RRAGC: variants seen among roughly 807,000 people sequenced by gnomAD.
RRAGC encodes the protein ras-related GTP-binding protein C.
In RRAGC, 8 loss-of-function variants were observed where a neutral mutation model predicts 37.1. The observed-to-expected ratio is 0.22, with a 90% CI of 0.13 to 0.39. The LOEUF is 0.39. Ranked by LOEUF, RRAGC falls within the 10% of genes least tolerant of loss-of-function variation. RRAGC has a pLI of 1.00. For synonymous variants in RRAGC, 190 were observed against 181.1 expected (o/e 1.05, Z -0.39); for missense variants, 342 against 497.6 (o/e 0.69, Z 2.98).
At position 38,839,528 on chromosome 1, in the gene RRAGC, C is replaced by A; in HGVS notation, c.*25G>T. On this transcript the variant is annotated 3_prime_UTR_variant, in exon 7 of 7. Transcript: ENST00000373001. ...CCCTGGAGTGAAGAGTAAGCTGGCA[C>A]AGAGCCCCGACGCTGGGATTCAGAC... 3.1e-6 allele frequency: 5 copies of A among 1,612,816 alleles called. No homozygotes were observed. The highest frequency in any genetic ancestry group is 4.2e-6 in the Non-Finnish European group (5 of 1,179,128).
chr1:38,856,676 A>C, intron 2 of RRAGC: 1 of 501,572 alleles, frequency 2.0e-6, no homozygotes, highest in Non-Finnish European at 3.5e-6. Context: ...GATGTAAACC[A>C]TATCTCCTAA....
chr1:38,855,633 G>A, intron 3 of RRAGC, 75 bp downstream of exon 3: 1 of 1,159,330 alleles, frequency 8.6e-7, no homozygotes, highest in South Asian at 1.3e-5. Context: ...GAAAGCTATG[G>A]TGTTTGTAAT....
At chr1:38,857,683 G>C (rs56321539) in intron 1 of RRAGC, among the ~76,000 whole-genome samples, 22,399 of 152,270 alleles carry the variant, frequency 0.15, 1,812 homozygotes, top group Non-Finnish European at 0.18. Flanking sequence ...AATCGGCCCG[G>C]GTGCGGTGGC....
intron 4 of RRAGC, 71 bp from the exon 5 acceptor site, chr1:38,851,828 G>A: frequency 7.4e-7 from 1 of 1,344,306 alleles, no homozygotes; most frequent in South Asian, 1.3e-5. Flanking sequence ...CGAAGATCTA[G>A]AATTACTGAA....
Position 38,854,090 on chromosome 1 carries a change from C to T in RRAGC, c.642-1602G>A, listed in dbSNP as rs1357406145. Among the ~76,000 whole-genome samples the T allele has an allele frequency of 2.0e-3, 243 of 119,380 alleles. 2 individuals carry two copies. The highest frequency in any genetic ancestry group is 7.2e-3 in the African/African-American group (223 of 31,154). 78.3% of individuals were successfully genotyped at this position (119,380 alleles called of 152,430 possible). ...CTTTTTTTTTTTTTTTTTTTTGAGA[C>T]GGAGTCTTGCTCTGTCACCCAGGCT... On this transcript the variant is annotated intron_variant, in intron 3 of 6. Transcript: ENST00000373001.
At chr1:38,853,728 C>G (rs1044556120) in intron 3 of RRAGC, among the ~76,000 whole-genome samples, 2 of 131,260 alleles carry the variant, frequency 1.5e-5, no homozygotes, top group African/African-American at 2.9e-5. Flanking sequence ...GCCTGGGCAA[C>G]AAGAGTGAAA....
Position 38,839,464 on chromosome 1 carries a change from A to C in RRAGC, c.*89T>G. ...AGTGGAACAGGCACCAGATTCCCAC[A>C]AGCAGCAGCTCCCATGTCCTGTAGC... On this transcript the variant is annotated 3_prime_UTR_variant, in exon 7 of 7. Coordinates refer to ENST00000373001, the MANE Select transcript of RRAGC (RefSeq NM_022157.4). 7.0e-7 allele frequency: 1 copy of C among 1,433,806 alleles called. No homozygotes were observed. Among genetic ancestry groups the C allele is most frequent in the African/African-American group, 1.4e-5 (1 of 70,558 alleles). The allele number at this position is 1,433,806 out of a possible 1,614,324, so 88.8% of individuals were successfully genotyped here.
chr1:38,856,702 T>C, intron 2 of RRAGC, 177 bp downstream of exon 2: 1 of 600,408 alleles, frequency 1.7e-6, no homozygotes, highest in South Asian at 2.1e-5. Flanking sequence ...TGATATTCTG[T>C]ACCTGCACAA....
At chr1:38,858,786 A>G (rs1176678284) in intron 1 of RRAGC, among the ~76,000 whole-genome samples, 1 of 152,214 alleles carries the variant, frequency 6.6e-6, no homozygotes, top group Non-Finnish European at 1.5e-5. Flanking sequence ...GGTCTGCAAA[A>G]TATTCTCAAA....
Position 38,859,673 on chromosome 1 carries a change from C to T in RRAGC, c.-27G>A. The T allele has an allele frequency of 6.6e-7, 1 of 1,526,284 alleles. No homozygotes were observed. The highest frequency in any genetic ancestry group is 8.8e-7 in the Non-Finnish European group (1 of 1,136,488). 94.5% of individuals were successfully genotyped at this position (1,526,284 alleles called of 1,614,324 possible). ...GTGCTGGAGCCGCCGCCGCCCGCGC[C>T]CTGACAGGCCAGGCCAGGCCGAGCC... On this transcript the variant is annotated 5_prime_UTR_variant, in exon 1 of 7. Transcript: ENST00000373001.
At chr1:38,842,693 G>A (rs1425290086) in intron 6 of RRAGC, among the ~76,000 whole-genome samples, 3 of 152,146 alleles carry the variant, frequency 2.0e-5, no homozygotes, top group African/African-American at 4.8e-5. Context: ...TTCTCCACAC[G>A]TGCAAAGGCA....
intron 2 of RRAGC, 93 bp downstream of exon 2, chr1:38,856,786 G>A (rs1557588710): frequency 2.4e-6 from 3 of 1,246,188 alleles, no homozygotes; most frequent in Non-Finnish European, 3.5e-6. Flanking sequence ...AAAGAGATAA[G>A]CTGCAACCAC....
chr1:38,859,354 T>C (rs957124233), intron 1 of RRAGC, 56 bp downstream of exon 1: 2 of 1,482,884 alleles, frequency 1.3e-6, no homozygotes, highest in Non-Finnish European at 1.8e-6. Context: ...GCGTCCCCGC[T>C]ACCGGCCACC....
chr1:38,853,794 A>G (rs1242979143), intron 3 of RRAGC, among the ~76,000 whole-genome samples: 3 of 152,114 alleles, frequency 2.0e-5, no homozygotes, highest in Non-Finnish European at 4.4e-5. Flanking sequence ...TAAGAACCTA[A>G]TCTAGCAAGA....
At chr1:38,856,768 C>T (rs1642172121) in intron 2 of RRAGC, 111 bp downstream of exon 2, 3 of 990,792 alleles carry the variant, frequency 3.0e-6, no homozygotes, top group African/African-American at 1.6e-5. Flanking sequence ...GTTAGGGAAT[C>T]TACTGCCAAA....
chr1:38,846,431 G>A (rs1642028380), intron 5 of RRAGC: 1 of 177,654 alleles, frequency 5.6e-6, no homozygotes, highest in African/African-American at 2.4e-5. Flanking sequence ...TGTAAACCCA[G>A]CTGAGGTGTC....
intron 5 of RRAGC, 24 bp from the exon 6 acceptor site, chr1:38,846,111 C>T (rs769553019): frequency 1.3e-6 from 2 of 1,585,292 alleles, no homozygotes; most frequent in Non-Finnish European, 1.7e-6. Flanking sequence ...AAGTACTATT[C>T]ATTACAGGTT....
chr1:38,839,605 G>A lies in RRAGC; in HGVS notation c.1148C>T (p.Ala383Val). The A allele has an allele frequency of 6.2e-7, 1 of 1,614,046 alleles. No homozygotes were observed. Among genetic ancestry groups the A allele is most frequent in the East Asian group, 2.2e-5 (1 of 44,866 alleles). ...SHRSCGHQTS[A>V]SSLKALTHNG... ...GTGTGTCAGCGCTTTCAGACTGGAG[G>A]CACTAGTCTGGTGACCACAGCTCCT... The change falls in exon 7 of 7, where the codon GCC becomes GTC. Residue 383 changes from alanine to valine, a missense_variant. Ala to Val is a moderately conservative substitution (Grantham distance 64). Around this residue, in one of 3 missense-constraint regions of RRAGC, gnomAD observed 104 missense variants for 127.0 expected, o/e 0.82. Transcript: ENST00000373001.
At chr1:38,856,392 T>C (rs905289301) in intron 2 of RRAGC, among the ~76,000 whole-genome samples, 4 of 152,188 alleles carry the variant, frequency 2.6e-5, no homozygotes, top group African/African-American at 7.2e-5. Context: ...TTATAAAAAG[T>C]AAGCTTCTTA....
Sources: allele counts gnomAD v4.1 joint callset (sites outside exome capture counted in the v4.1 genomes callset), GRCh38; gene constraint gnomAD v4.1.1; regional missense constraint gnomAD v4.1.1; transcripts MANE v1.5; gene names NCBI Gene and HGNC (gene_info 2026-07-23, HGNC 2026-07-21).